The following MALRD1 variants were observed in gnomAD, a reference collection of about 807,000 sequenced individuals.
MALRD1 encodes the protein MAM and LDL receptor class A domain containing 1, also known as MAM and LDL-receptor class A domain-containing protein 1.
In MALRD1, 247 loss-of-function variants were observed where a neutral mutation model predicts 242.1. That is an observed-to-expected ratio of 1.02 (90% CI 0.92 to 1.13). The LOEUF is 1.13. Among genes scored for constraint, MALRD1 ranks in the 50% most tolerant of loss-of-function variants. The pLI is 0.00. For synonymous variants in MALRD1, 995 were observed against 866.6 expected, an observed-to-expected ratio of 1.15 and a Z score of -2.60; for missense variants, 2,989 against 2,533.1, an observed-to-expected ratio of 1.18 and a Z score of -3.86.
intron 36 of MALRD1, among the ~76,000 whole-genome samples, chr10:19,639,396 T>C (rs1014279211): frequency 2.6e-5 from 4 of 152,202 alleles, no homozygotes; most frequent in African/African-American, 7.2e-5. Context: ...AAGAATCCTA[T>C]AAAATAATTC....
chr10:19,434,870 C>T (rs1348621427), intron 28 of MALRD1, among the ~76,000 whole-genome samples: 6 of 151,734 alleles, frequency 4.0e-5, no homozygotes, highest in Admixed American at 2.6e-4. Flanking sequence ...TTATTATTTG[C>T]ATGGTCTGCC....
chr10:19,338,299 C>A (rs749684629), intron 24 of MALRD1, among the ~76,000 whole-genome samples: 4 of 151,824 alleles, frequency 2.6e-5, no homozygotes, highest in Admixed American at 6.6e-5. Context: ...CGTTTCATTG[C>A]CCTAAAAATC....
chr10:19,664,087 T>C (rs2131740436), intron 36 of MALRD1, among the ~76,000 whole-genome samples: 1 of 151,964 alleles, frequency 6.6e-6, no homozygotes, highest in South Asian at 2.1e-4. Context: ...TTCTCTTCTC[T>C]ACCTTCAGAG....
intron 14 of MALRD1, among the ~76,000 whole-genome samples, chr10:19,176,366 C>CTTTTTTTTTTTTTTTTTTTTTTTTTTTTT (rs11443184): frequency 3.4e-5 from 3 of 87,300 alleles, no homozygotes; most frequent in African/African-American, 8.6e-5. Context: ...TTTCTGGGTG[C>CTTTTTTTTTTTTTTTTTTTTTTTTTTTTT]TTTTTTTTTT....
intron 28 of MALRD1, among the ~76,000 whole-genome samples, chr10:19,433,150 A>G (rs772104548): frequency 6.6e-6 from 1 of 152,204 alleles, no homozygotes; most frequent in Non-Finnish European, 1.5e-5. Context: ...TCAGGTTATC[A>G]TACCAGGGAA....
Position 19,575,970 on chromosome 10 carries a change from C to T in MALRD1, c.5680+8267C>T, listed in dbSNP as rs528376679. Among the ~76,000 whole-genome samples the T allele has an allele frequency of 2.0e-5, 3 of 152,282 alleles. No individual in the cohort carries two copies. In the East Asian group the frequency reaches 5.8e-4, roughly 29 times the overall value. On this transcript the variant is annotated intron_variant, in intron 33 of 39. Transcript: ENST00000454679. ...AAGATAGACCACTCCCCTATCTTACCGTAATAGCCCAAAGAATATGTTATT... is the reference window on the plus strand; with the variant it reads ...AAGATAGACCACTCCCCTATCTTACTGTAATAGCCCAAAGAATATGTTATT...
At chr10:19,507,439 C>G (rs1362758064) in intron 31 of MALRD1, among the ~76,000 whole-genome samples, 3 of 151,834 alleles carry the variant, frequency 2.0e-5, no homozygotes, top group Admixed American at 1.3e-4. Flanking sequence ...AATATGAAAT[C>G]TAGTGTGGAA....
At chr10:19,076,113 T>A (rs1371654686) in intron 2 of MALRD1, among the ~76,000 whole-genome samples, 1 of 151,942 alleles carries the variant, frequency 6.6e-6, no homozygotes, top group Admixed American at 6.6e-5. Context: ...ATTTATGTGT[T>A]TAACTTTTTT....
At chr10:19,728,056 A>G (rs1402081750) in intron 38 of MALRD1, among the ~76,000 whole-genome samples, 5 of 152,212 alleles carry the variant, frequency 3.3e-5, no homozygotes, top group Admixed American at 1.3e-4. Flanking sequence ...GAAAGACATT[A>G]AAATTTAAGT....
intron 26 of MALRD1, among the ~76,000 whole-genome samples, chr10:19,364,461 ATG>A (rs1845028233): frequency 6.6e-6 from 1 of 152,140 alleles, no homozygotes; most frequent in African/African-American, 2.4e-5. Flanking sequence ...TAAGTAATAT[ATG>A]TGTTTGTGTT....
intron 18 of MALRD1, among the ~76,000 whole-genome samples, chr10:19,240,959 G>C (rs1838740060): frequency 6.6e-6 from 1 of 152,036 alleles, no homozygotes; most frequent in South Asian, 2.1e-4. Context: ...GTCGAAGTCA[G>C]TTCACTTGTA....
At chr10:19,143,788 T>G (rs1223484040) in intron 10 of MALRD1, among the ~76,000 whole-genome samples, 1 of 152,168 alleles carries the variant, frequency 6.6e-6, no homozygotes, top group East Asian at 1.9e-4. Flanking sequence ...ATTTCTATAC[T>G]CCACCAACTG....
chr10:19,317,302 T>C (rs1842746852), intron 21 of MALRD1, among the ~76,000 whole-genome samples: 2 of 151,844 alleles, frequency 1.3e-5, no homozygotes, highest in Non-Finnish European at 1.5e-5. Flanking sequence ...CTGAGATAGT[T>C]CTAGGGTCTC....
chr10:19,592,403 C>T (rs1164673814), intron 33 of MALRD1, among the ~76,000 whole-genome samples: 1 of 152,230 alleles, frequency 6.6e-6, no homozygotes, highest in Non-Finnish European at 1.5e-5. Context: ...CTCCAACTCA[C>T]CAGTCAATGA....
intron 21 of MALRD1, among the ~76,000 whole-genome samples, chr10:19,302,050 C>G (rs2131959126): frequency 6.6e-6 from 1 of 151,784 alleles, no homozygotes; most frequent in East Asian, 2.0e-4. Context: ...CAAATCAAAA[C>G]CAGAGTGAGA....
chr10:19,303,146 A>G (rs1842023343), intron 21 of MALRD1, among the ~76,000 whole-genome samples: 1 of 151,808 alleles, frequency 6.6e-6, no homozygotes, highest in African/African-American at 2.4e-5. Flanking sequence ...CTTAAAAAAT[A>G]AACATGTTAA....
intron 33 of MALRD1, among the ~76,000 whole-genome samples, chr10:19,594,006 A>G (rs926497916): frequency 4.6e-5 from 7 of 152,292 alleles, no homozygotes; most frequent in Non-Finnish European, 8.8e-5. Context: ...ACAAAACCAT[A>G]GCGGATCTCT....
Position 19,639,406 on chromosome 10 carries a change from C to A in MALRD1, c.6137+23483C>A, listed in dbSNP as rs1024282442. ...GCCACAAGAATCCTATAAAATAATT[C>A]TCTGCCTACCACACGTGGAGATGCC... On this transcript the variant is annotated intron_variant, in intron 36 of 39. Coordinates refer to ENST00000454679, the MANE Select transcript of MALRD1 (RefSeq NM_001142308.3). Among the ~76,000 whole-genome samples the A allele has an allele frequency of 2.6e-5, 4 of 152,166 alleles. No individual in the cohort carries two copies. In the East Asian group the frequency reaches 5.8e-4, roughly 22 times the overall value.
intron 4 of MALRD1, among the ~76,000 whole-genome samples, chr10:19,098,670 C>G (rs1836134482): frequency 2.0e-5 from 3 of 152,114 alleles, no homozygotes; most frequent in Admixed American, 2.0e-4. Flanking sequence ...AATGTTTATA[C>G]TCACTCTGAA....
Sources: gnomAD v4.1 joint callset for allele counts (sites outside exome capture counted in the v4.1 genomes callset) on GRCh38, gnomAD v4.1.1 for gene constraint, MANE v1.5 for transcripts, NCBI Gene and HGNC (gene_info 2026-07-23, HGNC 2026-07-21) for gene names.